Variants in CDHR3 observed in about 807,000 individuals in gnomAD.
CDHR3 encodes cadherin-related family member 3.
A neutral mutation model predicts 86.6 loss-of-function variants in CDHR3; 79 were observed. The ratio of observed to expected loss-of-function variants is 0.91; its 90% confidence interval spans 0.76 to 1.10. The LOEUF is 1.10. Among genes scored for constraint, CDHR3 ranks in the 50% least tolerant of loss-of-function variants. The probability of loss-of-function intolerance (pLI) is 0.00; values close to 1 mark genes in which losing one functional copy is unlikely to be tolerated. For missense variants in CDHR3, 1,081 were observed against 1,077.6 expected (o/e 1.00, Z -0.04); for synonymous variants, 421 against 402.4 (o/e 1.05, Z -0.55).
intron 4 of CDHR3, among the ~76,000 whole-genome samples, chr7:105,988,241 A>G (rs748208455): frequency 9.9e-5 from 15 of 152,198 alleles, no homozygotes; most frequent in Non-Finnish European, 7.3e-5. Context: ...TTCAGGCATT[A>G]GAACATACTT....
intron 2 of CDHR3, 139 bp downstream of exon 2, chr7:105,975,185 G>A: frequency 1.3e-6 from 1 of 760,358 alleles, no homozygotes; most frequent in African/African-American, 1.7e-5. Context: ...AGTCCTGTCT[G>A]AGGCATCCCA....
chr7:105,967,600 A>G (rs1827180452), intron 1 of CDHR3, among the ~76,000 whole-genome samples: 1 of 152,222 alleles, frequency 6.6e-6, no homozygotes, highest in South Asian at 2.1e-4. Context: ...ATTTCTCTGC[A>G]TCCTCTCCAG....
chr7:106,019,440 A>C (rs1013823951), intron 12 of CDHR3, among the ~76,000 whole-genome samples: 6 of 151,660 alleles, frequency 4.0e-5, no homozygotes, highest in African/African-American at 1.5e-4. Flanking sequence ...GGGGCTAACT[A>C]GAGTGAACAT....
chr7:105,990,072 T>C lies in CDHR3; in HGVS notation c.514-4679T>C, dbSNP rs1831130659. Among the ~76,000 whole-genome samples the C allele has an allele frequency of 2.0e-5, 3 of 152,172 alleles. No individual in the cohort carries two copies. In the South Asian group the frequency reaches 6.2e-4, roughly 32 times the overall value. On this transcript the variant is annotated intron_variant, in intron 4 of 18. Coordinates refer to ENST00000317716, the MANE Select transcript of CDHR3 (RefSeq NM_152750.5). The stretch of plus-strand genomic sequence containing the variant: ...ATGTGGTCACTGCTGGCTGTTTGCA[T>C]GTGGGGTGGGACACTCTCAAATAGA...
intron 1 of CDHR3, among the ~76,000 whole-genome samples, chr7:105,966,512 T>G (rs2528887): frequency 0.25 from 38,668 of 152,118 alleles, 5,618 homozygotes; most frequent in East Asian, 0.68. Context: ...TTCTCCTTGG[T>G]AATTAAAATG....
At chr7:106,022,565 G>A (rs1166199432) in intron 14 of CDHR3, 117 bp downstream of exon 14, 14 of 1,455,390 alleles carry the variant, frequency 9.6e-6, no homozygotes, top group Non-Finnish European at 1.3e-5. Context: ...GTATTAGGAT[G>A]TTGCCAAAAA....
At chr7:106,011,190 C>T (rs1169064371) in intron 8 of CDHR3, among the ~76,000 whole-genome samples, 6 of 152,174 alleles carry the variant, frequency 3.9e-5, no homozygotes, top group Non-Finnish European at 8.8e-5. Flanking sequence ...AGAAAAGCCG[C>T]AAATTCCTCC....
intron 3 of CDHR3, 62 bp downstream of exon 3, chr7:105,981,195 A>G (rs1829683886): frequency 6.8e-7 from 1 of 1,478,914 alleles, no homozygotes; most frequent in Non-Finnish European, 9.2e-7. Flanking sequence ...GCCCTGGGGG[A>G]CAGAGAGAAA....
chr7:106,000,119 A>G (rs1285710296), intron 6 of CDHR3, among the ~76,000 whole-genome samples: 1 of 152,228 alleles, frequency 6.6e-6, no homozygotes, highest in African/African-American at 2.4e-5. Flanking sequence ...TCCTAGATCC[A>G]TCAGGGGCAG....
intron 2 of CDHR3, among the ~76,000 whole-genome samples, chr7:105,977,354 C>G (rs1828986374): frequency 6.6e-6 from 1 of 152,224 alleles, no homozygotes; most frequent in South Asian, 2.1e-4. Flanking sequence ...GGGACCTGCT[C>G]TTCCCACATT....
chr7:106,012,831 G>T (rs1267454230), intron 8 of CDHR3, 29 bp from the exon 9 acceptor site: 1 of 1,566,952 alleles, frequency 6.4e-7, no homozygotes, highest in East Asian at 2.3e-5. Context: ...ATTTATTGGG[G>T]GAAATACTGG....
intron 1 of CDHR3, among the ~76,000 whole-genome samples, chr7:105,973,308 T>C (rs1471957324): frequency 6.6e-6 from 1 of 152,210 alleles, no homozygotes; most frequent in Non-Finnish European, 1.5e-5. Context: ...ATTTGTAACA[T>C]TGGATAAATG....
At chr7:106,004,830 G>C (rs907903460) in intron 8 of CDHR3, 143 bp downstream of exon 8, 7 of 747,568 alleles carry the variant, frequency 9.4e-6, no homozygotes, top group African/African-American at 5.4e-5. Context: ...ACTGTTCACT[G>C]TTGTCCACAG....
chr7:105,963,344 C>G lies in CDHR3; in HGVS notation c.26C>G (p.Ala9Gly). Residue 9 changes from alanine to glycine, a missense_variant, in exon 1 of 19, where the codon GCT (alanine) becomes GGT (glycine). Ala to Gly is a moderately conservative substitution (Grantham distance 60, BLOSUM62 0). Transcript: ENST00000317716. MQEAIILL[A>G]LLGAMSGGEA... ...ATGCAGGAAGCAATCATTCTCCTGGCTCTCCTGGGTGCCATGTCAGGTAGG... is the reference window on the plus strand; with the variant it reads ...ATGCAGGAAGCAATCATTCTCCTGGGTCTCCTGGGTGCCATGTCAGGTAGG... The G allele has an allele frequency of 1.2e-6, 2 of 1,614,032 alleles. No individual in the cohort carries two copies. The highest frequency in any genetic ancestry group is 1.7e-6 in the Non-Finnish European group (2 of 1,179,880).
intron 16 of CDHR3, among the ~76,000 whole-genome samples, chr7:106,027,135 G>A (rs982981138): frequency 6.6e-6 from 1 of 152,140 alleles, no homozygotes; most frequent in African/African-American, 2.4e-5. Flanking sequence ...AGTGACTCAC[G>A]CCTGTAATCC....
chr7:106,019,351 A>T (rs1290265000), intron 12 of CDHR3, among the ~76,000 whole-genome samples: 1 of 151,812 alleles, frequency 6.6e-6, no homozygotes, highest in African/African-American at 2.4e-5. Context: ...ATTGCTACCC[A>T]AGGAAAGTTG....
Position 105,974,967 on chromosome 7 carries a change from C to T in CDHR3, c.170C>T (p.Pro57Leu). ...TCAGCATCATTGTCACCTGTGATCC[C>T]AGGATTTCCCCAGATAGTCAACTCA... ...KLSASLSPVIPGFPQIVNSNP... is the reference protein window; with the variant it reads ...KLSASLSPVILGFPQIVNSNP... Residue 57 changes from proline (P) to leucine (L), a missense_variant, in exon 2 of 19, where the codon CCA becomes CTA. Physicochemically the swap from Pro to Leu is moderately conservative, Grantham distance 98. Transcript: ENST00000317716. 3 of 1,613,928 alleles carry T rather than the reference C, an allele frequency of 1.9e-6. No individual in the cohort carries two copies. Among genetic ancestry groups the T allele is most frequent in the Non-Finnish European group, 2.5e-6 (3 of 1,179,840 alleles).
At chr7:106,028,629 G>A in intron 17 of CDHR3, 47 bp downstream of exon 17, 1 of 1,606,302 alleles carries the variant, frequency 6.2e-7, no homozygotes, top group Non-Finnish European at 8.5e-7. Context: ...CTGGGGGATA[G>A]GGGCTCCCGT....
chr7:105,986,142 T>TA (rs984949037), intron 4 of CDHR3, among the ~76,000 whole-genome samples: 3 of 152,190 alleles, frequency 2.0e-5, no homozygotes, highest in African/African-American at 7.2e-5. Flanking sequence ...TCCCTTTTTT[T>TA]ATCAGGAAAA....
Sources: gnomAD v4.1 joint callset for allele counts (sites outside exome capture counted in the v4.1 genomes callset) on GRCh38, gnomAD v4.1.1 for gene constraint, MANE v1.5 for transcripts, NCBI Gene and HGNC (gene_info 2026-07-23, HGNC 2026-07-21) for gene names.